MTERF4: variants seen among roughly 807,000 people sequenced by gnomAD.
The protein encoded by MTERF4 is mitochondrial transcription termination factor 4.
In MTERF4, 17 loss-of-function variants were observed where a neutral mutation model predicts 22.5. The observed-to-expected ratio is 0.75, with a 90% CI of 0.52 to 1.13. The LOEUF (loss-of-function observed/expected upper bound fraction) is 1.13, where lower values mean the gene tolerates loss of function less well. Among genes scored for constraint, MTERF4 ranks in the 50% most tolerant of loss-of-function variants. The pLI is 0.00. For synonymous variants in MTERF4, 165 were observed against 175.3 expected, an observed-to-expected ratio of 0.94 and a Z score of 0.47; for missense variants, 420 against 466.8, an observed-to-expected ratio of 0.90 and a Z score of 0.92.
At chr2:241,050,830 GT>G in the MTERF4 span, among the ~76,000 whole-genome samples, 2,548 of 152,170 alleles carry the variant, frequency 0.017, 56 homozygotes, top group African/African-American at 0.058. Context: ...TGTACCCAAG[GT>G]GGGGGTCCTA....
intron 1 of MTERF4, chr2:241,102,051 C>T: frequency 1.8e-6 from 1 of 555,086 alleles, no homozygotes; most frequent in Non-Finnish European, 3.0e-6. Flanking sequence ...GACTTTGTCT[C>T]AAAAAAAAAA....
downstream of MTERF4, among the ~76,000 whole-genome samples, chr2:241,068,467 A>G (rs190342870): frequency 1.9e-3 from 289 of 152,240 alleles, no homozygotes; most frequent in African/African-American, 6.6e-3. This position sits in a 1 kb window ranked among gnomAD's most constrained non-coding sequence, Gnocchi z 5.3. Context: ...GGGGTGCAGG[A>G]AAAGATCGGA....
chr2:241,078,201 G>A (rs1464662823), intron 4 of MTERF4, among the ~76,000 whole-genome samples: 1 of 150,620 alleles, frequency 6.6e-6, no homozygotes, highest in Non-Finnish European at 1.5e-5. Context: ...TGGCCAACGC[G>A]GTGAAACCCC....
chr2:241,047,402 G>A, the MTERF4 span, among the ~76,000 whole-genome samples: 1 of 152,086 alleles, frequency 6.6e-6, no homozygotes, highest in African/African-American at 2.4e-5. Context: ...AATTATTGGT[G>A]GAGATTTCGA....
chr2:241,091,235 G>A (rs1432923416), downstream of MTERF4, among the ~76,000 whole-genome samples: 1 of 152,280 alleles, frequency 6.6e-6, no homozygotes, highest in African/African-American at 2.4e-5. The surrounding 1 kb of genome is among the most constrained non-coding windows in gnomAD (Gnocchi z 4.1). Context: ...AGAACAACAC[G>A]AGAATTCATT....
At chr2:241,055,379 G>A in the MTERF4 span, among the ~76,000 whole-genome samples, 1 of 152,032 alleles carries the variant, frequency 6.6e-6, no homozygotes, top group Admixed American at 6.5e-5. Context: ...ACTTCCAGAG[G>A]GAAAATCAGG....
chr2:241,051,611 C>A, the MTERF4 span: 1 of 682,876 alleles, frequency 1.5e-6, no homozygotes, highest in Non-Finnish European at 2.3e-6. This position sits in a 1 kb window ranked among gnomAD's most constrained non-coding sequence, Gnocchi z 4.7. Flanking sequence ...GCCCCTGCTG[C>A]AGCCAGGCCC....
chr2:241,064,822 C>T, the MTERF4 span: 1 of 1,547,652 alleles, frequency 6.5e-7, no homozygotes. This position sits in a 1 kb window ranked among gnomAD's most constrained non-coding sequence, Gnocchi z 7.0. Context: ...CCAACATACA[C>T]TGCCACTTTT....
At chr2:241,068,729 C>T (rs975703203), downstream of MTERF4, among the ~76,000 whole-genome samples, 3 of 152,314 alleles carry the variant, frequency 2.0e-5, no homozygotes, top group South Asian at 2.1e-4. The surrounding 1 kb of genome is among the most constrained non-coding windows in gnomAD (Gnocchi z 5.3). Context: ...GTTGGCTTCC[C>T]GCCCTAGGAG....
chr2:241,065,155 G>C, the MTERF4 span: 1 of 891,722 alleles, frequency 1.1e-6, no homozygotes, highest in Non-Finnish European at 1.7e-6. Context: ...CTGGAGGTAC[G>C]TGGCCAGGGA....
At chr2:241,071,701 ACCCCCACCCAGC>A, downstream of MTERF4, 1 of 1,281,582 alleles carries the variant, frequency 7.8e-7, no homozygotes, top group Non-Finnish European at 1.1e-6. Flanking sequence ...CGCCCCCGAG[ACCCCCACCCAGC>A]CCCCCAGGTA....
the MTERF4 span, among the ~76,000 whole-genome samples, chr2:241,049,314 C>T: frequency 6.6e-6 from 1 of 152,214 alleles, no homozygotes; most frequent in Admixed American, 6.5e-5. Flanking sequence ...GACATCTCCT[C>T]TTCCCCAGTG....
At chr2:241,058,905 G>A in the MTERF4 span, among the ~76,000 whole-genome samples, 6 of 151,292 alleles carry the variant, frequency 4.0e-5, no homozygotes, top group African/African-American at 9.7e-5. Flanking sequence ...AGCCAAGATC[G>A]CACCACTGCA....
chr2:241,066,821 C>T, the MTERF4 span, among the ~76,000 whole-genome samples: 1 of 152,174 alleles, frequency 6.6e-6, no homozygotes, highest in East Asian at 1.9e-4. Context: ...ATGCCAAGGG[C>T]ATTGAGGGAC....
Position 241,099,964 on chromosome 2 carries a change from T to C in MTERF4, c.22-70A>G, listed in dbSNP as rs776489428. On this transcript the variant is annotated intron_variant, in intron 1 of 3. Coordinates refer to ENST00000391980, the MANE Select transcript of MTERF4 (RefSeq NM_182501.4). ...AGTGTAATGGACACCATAAGACTTC[T>C]GAGCCAGAGTACTTACTGCCTTGGT... 34 of 1,525,286 alleles carry C rather than the reference T, an allele frequency of 2.2e-5. No individual in the cohort carries two copies. In the Admixed American group the frequency reaches 6.7e-4, roughly 30 times the overall value. The allele number at this position is 1,525,286 out of a possible 1,614,324, so 94.5% of individuals were successfully genotyped here. A position where few individuals can be genotyped will look rare whatever the true frequency, so the allele number is the denominator to read the frequency against.
chr2:241,071,654 CGCGCCTGCCGGAGCT>C (rs745702821), downstream of MTERF4: 4 of 1,569,450 alleles, frequency 2.5e-6, no homozygotes, highest in Middle Eastern at 2.0e-4. Flanking sequence ...CCGCCCCCGG[CGCGCCTGCCGGAGCT>C]GCGCCTGCTC....
chr2:241,090,361 C>T (rs767678229), downstream of MTERF4: 238 of 1,550,208 alleles, frequency 1.5e-4, no homozygotes, highest in Admixed American at 2.0e-4. Context: ...CCTCCTGTGA[C>T]AATGATGCCT....
chr2:241,095,852 G>T lies in MTERF4; in HGVS notation c.*146C>A. 7.0e-7 allele frequency: 1 copy of T among 1,433,566 alleles called. No homozygotes were observed. Among genetic ancestry groups the T allele is most frequent in the Non-Finnish European group, 9.3e-7 (1 of 1,070,232 alleles). 88.8% of individuals were successfully genotyped at this position (1,433,566 alleles called of 1,614,324 possible). A position where few individuals can be genotyped will look rare whatever the true frequency, so the allele number is the denominator to read the frequency against. On this transcript the variant is annotated 3_prime_UTR_variant, in exon 4 of 4. Transcript: ENST00000391980. ...TTGGTTTGATCTGTCTGCCTCTCAG[G>T]TGACTTATAATTTTTTTCATCAAGA...
At chr2:241,085,378 G>A (rs570711809), downstream of MTERF4, among the ~76,000 whole-genome samples, 1 of 152,202 alleles carries the variant, frequency 6.6e-6, no homozygotes, top group South Asian at 2.1e-4. Context: ...CATTAATCCT[G>A]TTCAACAAAA....
Sources: allele counts gnomAD v4.1 joint callset (sites outside exome capture counted in the v4.1 genomes callset), GRCh38; gene constraint gnomAD v4.1.1; non-coding constraint Gnocchi (gnomAD v3.1); transcripts MANE v1.5; gene names NCBI Gene and HGNC (gene_info 2026-07-23, HGNC 2026-07-21).